Variants in GTPBP8 observed in about 807,000 individuals in gnomAD.
The protein encoded by GTPBP8 is GTP binding protein 8.
In GTPBP8, 21 loss-of-function variants were observed where a neutral mutation model predicts 27.3. The ratio of observed to expected loss-of-function variants is 0.77; its 90% CI spans 0.55 to 1.11. GTPBP8 has a LOEUF of 1.11. Ranked by LOEUF, GTPBP8 falls within the 50% of genes least tolerant of loss-of-function variation. GTPBP8 has a pLI of 0.00. For synonymous variants in GTPBP8, 147 were observed against 135.3 expected, an observed-to-expected ratio of 1.09 and a Z score of -0.60; for missense variants, 380 against 350.8, an observed-to-expected ratio of 1.08 and a Z score of -0.67.
intron 2 of GTPBP8, among the ~76,000 whole-genome samples, chr3:112,993,824 C>T (rs1013025623): frequency 6.6e-6 from 1 of 152,168 alleles, no homozygotes; most frequent in African/African-American, 2.4e-5. Flanking sequence ...TCTTGCTCCT[C>T]ACTTCATAAA....
Position 112,991,017 on chromosome 3 carries a change from G to C in GTPBP8, c.18G>C (p.Leu6=), listed in dbSNP as rs1225693222. The change falls in exon 1 of 6, where the codon CTG becomes CTC. Residue 6 remains leucine (L), a synonymous_variant. Transcript: ENST00000383678. MAAPG[L]RLGAGRLFEM... ...AAGGGAGAATGGCGGCGCCCGGGCT[G>C]CGGCTGGGAGCGGGAAGACTCTTTG... 1 of 1,595,136 alleles carries C rather than the reference G, an allele frequency of 6.3e-7. No individual in the cohort carries two copies. Among genetic ancestry groups the C allele is most frequent in the Non-Finnish European group, 8.6e-7 (1 of 1,167,728 alleles).
At position 112,991,153 on chromosome 3, in the gene GTPBP8, C is replaced by T. The variant is rs115818161; in HGVS notation, c.154C>T (p.Gln52Ter). 4.9e-5 allele frequency: 79 copies of T among 1,614,110 alleles called. No individual in the cohort carries two copies. In the African/African-American group the frequency reaches 8.3e-4, roughly 17 times the overall value. Residue 52 changes from glutamine (Q) to a stop codon, truncating the protein, a stop_gained, in exon 1 of 6, where the codon CAG becomes TAG. Coordinates refer to ENST00000383678, the MANE Select transcript of GTPBP8 (RefSeq NM_014170.4). LOFTEE classifies it high-confidence loss of function. The stretch of plus-strand genomic sequence containing the variant: ...GCTGAGGAAGCTGCTGTACCCGCTG[C>T]AGGAAGTAGAGCGGTTCCTCGCCCC... ...QQLRKLLYPL[Q>*]EVERFLAPYG...
At chr3:112,998,239 G>T (rs1329613521) in intron 4 of GTPBP8, among the ~76,000 whole-genome samples, 1 of 152,096 alleles carries the variant, frequency 6.6e-6, no homozygotes, top group Non-Finnish European at 1.5e-5. Flanking sequence ...TCCCCAAGAC[G>T]ACTCCTCCCA....
intron 1 of GTPBP8, chr3:112,991,643 G>A (rs1933683424): frequency 1.8e-6 from 1 of 561,848 alleles, no homozygotes; most frequent in East Asian, 4.2e-5. Context: ...GAATATAGAA[G>A]ACTTCAAAAT....
chr3:112,998,040 G>A (rs1253828419), intron 4 of GTPBP8, among the ~76,000 whole-genome samples: 2 of 152,144 alleles, frequency 1.3e-5, no homozygotes, highest in African/African-American at 2.4e-5. Context: ...TCCCATTTGC[G>A]GAGGGGTTCA....
rs867439480 is a variant in GTPBP8, at chr3:112,996,767, A to C, written c.567-125A>C. 2.9e-5 allele frequency: 18 copies of C among 628,992 alleles called. No homozygotes were observed. The Middle Eastern group carries it at 2.1e-3, about 72-fold the overall frequency. The allele number at this position is 628,992 out of a possible 1,614,324, so 39.0% of individuals were successfully genotyped here. On this transcript the variant is annotated intron_variant, in intron 3 of 5. Coordinates refer to ENST00000383678, the MANE Select transcript of GTPBP8 (RefSeq NM_014170.4). ...CAAATTGAGAATTCCTGTTGCCTAA[A>C]GAAATGTTTTAATTTTGGAATGAGA...
intron 3 of GTPBP8, 62 bp downstream of exon 3, chr3:112,995,327 A>G (rs1218138033): frequency 8.9e-7 from 1 of 1,121,484 alleles, no homozygotes; most frequent in African/African-American, 1.6e-5. Context: ...TTTCATCAGT[A>G]GAGTATTATA....
At chr3:112,992,708 C>A (rs536239024) in intron 1 of GTPBP8, among the ~76,000 whole-genome samples, 1 of 152,136 alleles carries the variant, frequency 6.6e-6, no homozygotes, top group African/African-American at 2.4e-5. Flanking sequence ...TGCATATATT[C>A]TTGAGTAGCG....
chr3:112,991,688 C>A, intron 1 of GTPBP8: 1 of 442,512 alleles, frequency 2.3e-6, no homozygotes, highest in Non-Finnish European at 4.3e-6. Flanking sequence ...ATTAAGCATT[C>A]AAAAAATTAA....
intron 4 of GTPBP8, 68 bp from the exon 5 acceptor site, chr3:112,999,378 T>C: frequency 1.8e-6 from 1 of 568,038 alleles, no homozygotes; most frequent in Non-Finnish European, 3.2e-6. Context: ...TGAAAAATTA[T>C]AGCTAAAATG....
At chr3:112,999,877 T>C (rs1416887897) in intron 5 of GTPBP8, among the ~76,000 whole-genome samples, 1 of 152,184 alleles carries the variant, frequency 6.6e-6, no homozygotes, top group Non-Finnish European at 1.5e-5. Context: ...TATTTGGCTT[T>C]TTATTCCTGA....
chr3:113,001,358 G>A lies in GTPBP8; in HGVS notation c.*439G>A, dbSNP rs1381834247. ...TCGATAGGTAAGTTGATGGATAAAA[G>A]TTACTATGTAAGCCTATTTTTTTGA... On this transcript the variant is annotated 3_prime_UTR_variant, in exon 6 of 6. Transcript: ENST00000383678. 1.3e-5 allele frequency: 2 copies of A among 152,554 alleles called. No individual in the cohort carries two copies. Among genetic ancestry groups the A allele is most frequent in the African/African-American group, 4.8e-5 (2 of 41,434 alleles). The allele number at this position is 152,554 out of a possible 1,614,324, so 9.5% of individuals were successfully genotyped here.
chr3:112,998,747 G>A (rs1933833953), intron 4 of GTPBP8, among the ~76,000 whole-genome samples: 1 of 152,172 alleles, frequency 6.6e-6, no homozygotes. Context: ...GGAGTTATGA[G>A]AAAGGAACCA....
At chr3:112,993,953 C>G (rs1933735038) in intron 2 of GTPBP8, among the ~76,000 whole-genome samples, 1 of 152,216 alleles carries the variant, frequency 6.6e-6, no homozygotes, top group Non-Finnish European at 1.5e-5. Context: ...GAGTGATCTC[C>G]TTCCTTTTGT....
chr3:113,001,860 T>C lies in GTPBP8; in HGVS notation c.*941T>C, dbSNP rs950828567. 1.3e-5 allele frequency: 2 copies of C among 152,190 alleles called. No individual in the cohort carries two copies. Among genetic ancestry groups the C allele is most frequent in the African/African-American group, 4.8e-5 (2 of 41,458 alleles). The allele number at this position is 152,190 out of a possible 1,614,324, so 9.4% of individuals were successfully genotyped here. A position where few individuals can be genotyped will look rare whatever the true frequency, so the allele number is the denominator to read the frequency against. On this transcript the variant is annotated 3_prime_UTR_variant, in exon 6 of 6. Coordinates refer to ENST00000383678, the MANE Select transcript of GTPBP8 (RefSeq NM_014170.4). Reference sequence around the variant, plus strand: ...CTAAAGTTAATAGAGAAGATTTTTGTGAAGGTGCCACTAACCTATTCATGT... The same window carrying C: ...CTAAAGTTAATAGAGAAGATTTTTGCGAAGGTGCCACTAACCTATTCATGT...
intron 1 of GTPBP8, chr3:112,991,588 C>A: frequency 1.5e-6 from 1 of 673,896 alleles, no homozygotes; most frequent in Non-Finnish European, 2.7e-6. Flanking sequence ...AGTCGACCCA[C>A]TGTAAGCAGA....
chr3:113,000,944 C>CAA lies in GTPBP8; in HGVS notation c.*40_*41dup, dbSNP rs34779191. On this transcript the variant is annotated 3_prime_UTR_variant, in exon 6 of 6. Coordinates refer to ENST00000383678, the MANE Select transcript of GTPBP8 (RefSeq NM_014170.4). ...ATGGTTCCCGGTTTAGCTGAAGATT[C>CAA]AAAAAAAAAAAAAAAAGCTTTATGC... The CAA allele has an allele frequency of 6.2e-4, 506 of 816,938 alleles. No individual in the cohort carries two copies. Among genetic ancestry groups the CAA allele is most frequent in the East Asian group, 1.9e-3 (71 of 36,554 alleles). 50.6% of individuals were successfully genotyped at this position (816,938 alleles called of 1,614,324 possible).
At position 112,995,135 on chromosome 3, in the gene GTPBP8, G is replaced by A; in HGVS notation, c.436G>A (p.Gly146Arg). ...EVEVRVSKKPGHTKKMNFFKV... is the reference protein window; with the variant it reads ...EVEVRVSKKPRHTKKMNFFKV... ...TTTCTTTTTCTATTTACTTTATCAGGGACACACAAAGAAAATGAATTTTTT... is the reference window on the plus strand; with the variant it reads ...TTTCTTTTTCTATTTACTTTATCAGAGACACACAAAGAAAATGAATTTTTT... The change falls in exon 3 of 6, where the codon GGA becomes AGA. Residue 146 changes from glycine to arginine, a missense_variant and splice_region_variant. Coordinates refer to ENST00000383678, the MANE Select transcript of GTPBP8 (RefSeq NM_014170.4). 1.3e-6 allele frequency: 2 copies of A among 1,588,826 alleles called. No homozygotes were observed. Among genetic ancestry groups the A allele is most frequent in the Non-Finnish European group, 8.6e-7 (1 of 1,166,524 alleles).
At position 112,999,514 on chromosome 3, in the gene GTPBP8, A is replaced by G. The variant is rs754411572; in HGVS notation, c.735A>G (p.Lys245=). The change falls in exon 5 of 6, where the codon AAA becomes AAG. Residue 245 remains lysine (K), a synonymous_variant. Transcript: ENST00000383678. ...HLLKQVLQIQ[K]FVNMKTQGCF... ...TAAAACAAGTGCTTCAGATCCAGAAATTTGTTAACATGAAAACTCAAGGAT... is the reference window on the plus strand; with the variant it reads ...TAAAACAAGTGCTTCAGATCCAGAAGTTTGTTAACATGAAAACTCAAGGAT... The G allele has an allele frequency of 6.5e-7, 1 of 1,533,860 alleles. No homozygotes were observed. Among genetic ancestry groups the G allele is most frequent in the South Asian group, 1.3e-5 (1 of 79,628 alleles).
Sources: allele counts gnomAD v4.1 joint callset (sites outside exome capture counted in the v4.1 genomes callset), GRCh38; gene constraint gnomAD v4.1.1; transcripts MANE v1.5; gene names NCBI Gene and HGNC (gene_info 2026-07-23, HGNC 2026-07-21).